The following ELL variants were observed in gnomAD, a reference collection of about 807,000 sequenced individuals.
ELL encodes the protein elongation factor for RNA polymerase II, also known as RNA polymerase II elongation factor ELL.
ELL carries 18 observed loss-of-function variants against 64.0 expected under a neutral mutation model. That is an observed-to-expected ratio of 0.28 (90% CI 0.19 to 0.42). The LOEUF (loss-of-function observed/expected upper bound fraction) is 0.42. Ranked by LOEUF, ELL falls within the 10% of genes least tolerant of loss-of-function variation. The pLI is 1.00. For missense variants in ELL, 797 were observed against 870.4 expected (o/e 0.92, Z 1.06); for synonymous variants, 399 against 376.2 (o/e 1.06, Z -0.70).
intron 1 of ELL, 49 bp downstream of exon 1, chr19:18,521,872 C>T: frequency 6.5e-7 from 1 of 1,532,028 alleles, no homozygotes; most frequent in Non-Finnish European, 8.8e-7. Context: ...GCGAGGCCGG[C>T]CCGCGTCCGG....
At position 18,522,027 on chromosome 19, in the gene ELL, T is replaced by C. The variant is rs758635929; in HGVS notation, c.29A>G (p.Tyr10Cys). MAALKEDRS[Y>C]GLSCGRVSDG... is the part of the protein sequence containing the mutation. ...GCTAACCCGCCCGCACGACAGCCCG[T>C]AGCTCCTATCCTCCTTCAGCGCCGC... Residue 10 changes from tyrosine (Y) to cysteine (C), a missense_variant, in exon 1 of 12, where the codon TAC (tyrosine) becomes TGC (cysteine). Tyr to Cys is a radical substitution (Grantham distance 194). Transcript: ENST00000262809. 8.1e-6 allele frequency: 13 copies of C among 1,609,992 alleles called. No individual in the cohort carries two copies. The highest frequency in any genetic ancestry group is 9.3e-6 in the Non-Finnish European group (11 of 1,178,154).
At chr19:18,466,463 G>A (rs1236753720) in intron 2 of ELL, among the ~76,000 whole-genome samples, 1 of 152,216 alleles carries the variant, frequency 6.6e-6, no homozygotes, top group Non-Finnish European at 1.5e-5. Flanking sequence ...AGGTAGGCTT[G>A]TGTCCCAGGG....
intron 2 of ELL, chr19:18,472,572 G>A (rs1975085633): frequency 2.1e-6 from 1 of 474,512 alleles, no homozygotes; most frequent in Non-Finnish European, 3.7e-6. Context: ...CAGAGTGGAA[G>A]CTAGGTGCAC....
chr19:18,467,356 T>C (rs1393747393), intron 2 of ELL, among the ~76,000 whole-genome samples: 2 of 151,992 alleles, frequency 1.3e-5, no homozygotes, highest in Admixed American at 6.6e-5. Flanking sequence ...GCCTCGAACA[T>C]GTCCCCCTAA....
chr19:18,488,258 A>T (rs932680998), intron 1 of ELL, among the ~76,000 whole-genome samples: 3 of 152,200 alleles, frequency 2.0e-5, no homozygotes, highest in Non-Finnish European at 4.4e-5. Context: ...TCCCAGAAAG[A>T]TGCCCGTCCT....
chr19:18,509,582 T>TGC (rs138250487), intron 1 of ELL, among the ~76,000 whole-genome samples: 14 of 95,556 alleles, frequency 1.5e-4, no homozygotes, highest in South Asian at 7.1e-4. Context: ...CCAATGCACG[T>TGC]GCGCGCGCGC....
At chr19:18,470,391 C>T (rs1975040729) in intron 2 of ELL, among the ~76,000 whole-genome samples, 1 of 152,248 alleles carries the variant, frequency 6.6e-6, no homozygotes, top group Non-Finnish European at 1.5e-5. Flanking sequence ...GGTCAGGCAG[C>T]AGCAGAAGGC....
At chr19:18,469,555 G>C (rs1340597438) in intron 2 of ELL, among the ~76,000 whole-genome samples, 1 of 152,232 alleles carries the variant, frequency 6.6e-6, no homozygotes, top group African/African-American at 2.4e-5. Context: ...CTGCCATGGG[G>C]CCCTCAGATG....
Position 18,449,645 on chromosome 19 carries a change from C to G in ELL, c.1465+832G>C, listed in dbSNP as rs1974480856. Among the ~76,000 whole-genome samples the G allele has an allele frequency of 6.6e-6, 1 of 152,206 alleles. No homozygotes were observed. Among genetic ancestry groups the G allele is most frequent in the African/African-American group, 2.4e-5 (1 of 41,464 alleles). On this transcript the variant is annotated intron_variant, in intron 8 of 11. Transcript: ENST00000262809. This position sits in a 1 kb window ranked among gnomAD's most constrained non-coding sequence, Gnocchi z 4.4. Reference sequence around the variant, plus strand: ...CCTCCCCAGAGACACAACCCAAAAGCACAGCAGGTGACACCACCTGGGCTG... The same window carrying G: ...CCTCCCCAGAGACACAACCCAAAAGGACAGCAGGTGACACCACCTGGGCTG...
At chr19:18,484,602 T>C (rs936775896) in intron 1 of ELL, among the ~76,000 whole-genome samples, 2 of 152,184 alleles carry the variant, frequency 1.3e-5, no homozygotes, top group Admixed American at 1.3e-4. Context: ...GTTCCACCAC[T>C]GCACTCCGGC....
At chr19:18,466,150 C>G (rs1286239779) in intron 2 of ELL, among the ~76,000 whole-genome samples, 2 of 152,214 alleles carry the variant, frequency 1.3e-5, no homozygotes, top group Non-Finnish European at 2.9e-5. Context: ...GGCATGGGGC[C>G]AGGGGCCGTT....
chr19:18,444,841 G>A lies in ELL; in HGVS notation c.1777C>T (p.His593Tyr). Residue 593 changes from histidine to tyrosine, a missense_variant, in exon 12 of 12, where the codon CAC becomes TAC. Transcript: ENST00000262809. ...KTNTNYSQEK[H>Y]RCEYLHSKLA... ...TTGCTGTGCAGGTACTCGCAGCGGT[G>A]CTTCTCCTGGCTGTAGTTGGTGTTG... The A allele has an allele frequency of 6.2e-7, 1 of 1,612,012 alleles. No homozygotes were observed. The highest frequency in any genetic ancestry group is 8.5e-7 in the Non-Finnish European group (1 of 1,179,930).
chr19:18,447,752 G>T lies in ELL; in HGVS notation c.1466-938C>A, dbSNP rs567664006. ...GTGGCTTTCTTTCCGATACAGAAAT[G>T]ATTTTATCAATTTCAGATGTATCCT... On this transcript the variant is annotated intron_variant, in intron 8 of 11. Transcript: ENST00000262809. 2.6e-5 allele frequency among the ~76,000 whole-genome samples: 4 copies of T among 152,000 alleles called. No homozygotes were observed. In the East Asian group the frequency reaches 7.7e-4, roughly 29 times the overall value.
chr19:18,461,256 G>A (rs1244971195), intron 5 of ELL, among the ~76,000 whole-genome samples: 1 of 152,218 alleles, frequency 6.6e-6, no homozygotes, highest in Non-Finnish European at 1.5e-5. Context: ...CAAATCGTCT[G>A]CAACTGAAGC....
intron 1 of ELL, among the ~76,000 whole-genome samples, chr19:18,509,593 G>GCGCGCGCACACACA (rs1438642062): frequency 1.2e-5 from 1 of 83,240 alleles, no homozygotes; most frequent in Non-Finnish European, 2.9e-5. Context: ...GCGCGCGCGC[G>GCGCGCGCACACACA]CACATACACA....
intron 1 of ELL, among the ~76,000 whole-genome samples, chr19:18,503,339 G>A (rs1031046842): frequency 1.3e-5 from 2 of 152,232 alleles, no homozygotes; most frequent in African/African-American, 4.8e-5. Context: ...AAGGCAACTG[G>A]CAAAGCTGGA....
At chr19:18,485,107 G>A (rs1243496388) in intron 1 of ELL, among the ~76,000 whole-genome samples, 1 of 152,190 alleles carries the variant, frequency 6.6e-6, no homozygotes, top group African/African-American at 2.4e-5. Flanking sequence ...CTCTGTGGGG[G>A]TTGGGTCCCT....
rs908362136 is a variant in ELL at position 18,443,204 on chromosome 19, C to A, written c.*1548G>T. The A allele has an allele frequency of 4.3e-6, 1 of 232,008 alleles. No homozygotes were observed. The highest frequency in any genetic ancestry group is 8.5e-6 in the Non-Finnish European group (1 of 117,246). 14.4% of individuals were successfully genotyped at this position (232,008 alleles called of 1,614,324 possible). A position where few individuals can be genotyped will look rare whatever the true frequency, so the allele number is the denominator to read the frequency against. On this transcript the variant is annotated 3_prime_UTR_variant, in exon 12 of 12. Transcript: ENST00000262809. ...CCTGCTCGGCCCTTCCCCGGCCCGG[C>A]CCGGCCCAAAGAGAAAAACAACAAC...
At chr19:18,487,530 T>C (rs906435810) in intron 1 of ELL, among the ~76,000 whole-genome samples, 5 of 152,212 alleles carry the variant, frequency 3.3e-5, no homozygotes, top group African/African-American at 9.6e-5. Flanking sequence ...ACCAGCCCAC[T>C]TTTAACTTTA....
Sources: allele counts gnomAD v4.1 joint callset (sites outside exome capture counted in the v4.1 genomes callset), GRCh38; gene constraint gnomAD v4.1.1; non-coding constraint Gnocchi (gnomAD v3.1); transcripts MANE v1.5; gene names NCBI Gene and HGNC (gene_info 2026-07-23, HGNC 2026-07-21).